The following PIK3R5 variants were observed in gnomAD, a reference collection of about 807,000 sequenced individuals.
The protein encoded by PIK3R5 is phosphoinositide-3-kinase regulatory subunit 5.
In PIK3R5, 32 loss-of-function variants were observed where a neutral mutation model predicts 94.9. That is an observed-to-expected ratio of 0.34 (90% CI 0.25 to 0.45). PIK3R5 has a LOEUF of 0.45. PIK3R5 is among the 20% of genes least tolerant of loss of function. The pLI is 1.00. For missense variants in PIK3R5, 853 were observed against 1,144.6 expected (o/e 0.75, Z 3.68); for synonymous variants, 443 against 479.4 (o/e 0.92, Z 0.99).
intron 5 of PIK3R5, among the ~76,000 whole-genome samples, chr17:8,902,118 G>A (rs759819810): frequency 3.1e-4 from 47 of 151,052 alleles, no homozygotes; most frequent in Non-Finnish European, 4.4e-4. Context: ...TTCTTTATGA[G>A]TAGTGAGGGT....
intron 1 of PIK3R5, among the ~76,000 whole-genome samples, chr17:8,929,166 T>A (rs1037709209): frequency 1.3e-5 from 2 of 151,942 alleles, no homozygotes; most frequent in Admixed American, 1.3e-4. Context: ...TAGGAAAAAA[T>A]GCAAAACCAA....
intron 4 of PIK3R5, 150 bp downstream of exon 4, chr17:8,905,519 G>A (rs1301149560): frequency 3.2e-5 from 16 of 493,718 alleles, no homozygotes; most frequent in Non-Finnish European, 3.6e-5. Flanking sequence ...CTGCTCTGAA[G>A]CCATCTAAGG....
chr17:8,952,089 T>C (rs1331969549), intron 1 of PIK3R5, among the ~76,000 whole-genome samples: 1 of 152,222 alleles, frequency 6.6e-6, no homozygotes, highest in African/African-American at 2.4e-5. Context: ...GAGAGCTACA[T>C]GTTGAAGAAG....
At chr17:8,963,416 T>C (rs1219344802) in intron 1 of PIK3R5, among the ~76,000 whole-genome samples, 1 of 152,178 alleles carries the variant, frequency 6.6e-6, no homozygotes, top group Non-Finnish European at 1.5e-5. Flanking sequence ...CACAGGGGTA[T>C]GGAGCAGCCT....
chr17:8,901,593 G>A (rs2090283524), intron 5 of PIK3R5, among the ~76,000 whole-genome samples: 1 of 152,194 alleles, frequency 6.6e-6, no homozygotes, highest in African/African-American at 2.4e-5. Context: ...CTTCTGTTCT[G>A]TGTGTGTTTA....
intron 5 of PIK3R5, among the ~76,000 whole-genome samples, chr17:8,894,313 C>T (rs1315624176): frequency 6.6e-6 from 1 of 152,212 alleles, no homozygotes; most frequent in African/African-American, 2.4e-5. Flanking sequence ...CCTGCCGCTG[C>T]CCCCTCTCCC....
intron 1 of PIK3R5, among the ~76,000 whole-genome samples, chr17:8,923,674 T>C (rs950203058): frequency 1.3e-5 from 2 of 152,190 alleles, no homozygotes; most frequent in African/African-American, 4.8e-5. Context: ...CCTTGGGCAC[T>C]TACACGGGAG....
In PIK3R5 at chr17:8,935,192, C is replaced by T. The variant is rs999443001; in HGVS notation, c.-13-23685G>A. Among the ~76,000 whole-genome samples the T allele has an allele frequency of 3.3e-5, 5 of 152,108 alleles. No homozygotes were observed. Among genetic ancestry groups the T allele is most frequent in the East Asian group, 1.9e-4 (1 of 5,198 alleles). On this transcript the variant is annotated intron_variant, in intron 1 of 18. Transcript: ENST00000447110. This position sits in a 1 kb window ranked among gnomAD's most constrained non-coding sequence, Gnocchi z 4.5. Reference sequence around the variant, plus strand: ...GCGTTATAACTGCCTATTTCTCTAGCGGGCTTTCAACTCTGACGTCAATGT... The same window carrying T: ...GCGTTATAACTGCCTATTTCTCTAGTGGGCTTTCAACTCTGACGTCAATGT...
chr17:8,887,747 C>G, intron 10 of PIK3R5, 64 bp from the exon 11 acceptor site: 1 of 1,474,006 alleles, frequency 6.8e-7, no homozygotes. Context: ...AATCCCAGCA[C>G]TTTGGGAGGC....
At chr17:8,952,151 T>C (rs61023864) in intron 1 of PIK3R5, among the ~76,000 whole-genome samples, 2,190 of 152,336 alleles carry the variant, frequency 0.014, 48 homozygotes, top group African/African-American at 0.05. Context: ...AAAGCTGTCA[T>C]GTGAAGTCTG....
chr17:8,894,448 G>T (rs1597382492), intron 5 of PIK3R5, among the ~76,000 whole-genome samples: 1 of 152,278 alleles, frequency 6.6e-6, no homozygotes, highest in Middle Eastern at 3.4e-3. Context: ...GGAGTCCGGG[G>T]ATCGGGAAGG....
At chr17:8,907,642 A>G (rs574581276) in intron 3 of PIK3R5, among the ~76,000 whole-genome samples, 124 of 150,824 alleles carry the variant, frequency 8.2e-4, no homozygotes, top group South Asian at 2.5e-3. Flanking sequence ...AAAAAAAAAA[A>G]AGAGAGAGAG....
chr17:8,948,464 A>G (rs2091317752), intron 1 of PIK3R5, among the ~76,000 whole-genome samples: 1 of 152,188 alleles, frequency 6.6e-6, no homozygotes, highest in Non-Finnish European at 1.5e-5. Context: ...GGAGCAACAG[A>G]AAAATATGAA....
rs982160974 is a variant in PIK3R5 at position 8,925,274 on chromosome 17, TGATA to T, written c.-13-13771_-13-13768del. Among the ~76,000 whole-genome samples, 32 of 148,418 alleles carry T rather than the reference TGATA, an allele frequency of 2.2e-4. No homozygotes were observed. Among genetic ancestry groups the T allele is most frequent in the East Asian group, 1.2e-3 (6 of 4,960 alleles). ...GATAGATAGATGGTTAGCTAGTAGATGATAGATAGTAGATGGATAGATAGATAGA... is the reference window on the plus strand; with the variant it reads ...GATAGATAGATGGTTAGCTAGTAGATGATAGTAGATGGATAGATAGATAGA... On this transcript the variant is annotated intron_variant, in intron 1 of 18. Coordinates refer to ENST00000447110, the MANE Select transcript of PIK3R5 (RefSeq NM_001142633.3). The surrounding 1 kb of genome is among the most constrained non-coding windows in gnomAD (Gnocchi z 5.1).
Position 8,887,676 on chromosome 17 carries a change from C to T in PIK3R5, c.1624G>A (p.Glu542Lys), listed in dbSNP as rs766522067. 6.3e-7 allele frequency: 1 copy of T among 1,596,180 alleles called. No individual in the cohort carries two copies. Among genetic ancestry groups the T allele is most frequent in the South Asian group, 1.1e-5 (1 of 88,396 alleles). Residue 542 changes from glutamate to lysine, a missense_variant, in exon 11 of 19, where the codon GAG becomes AAG. Around this residue, in one of 6 missense-constraint regions of PIK3R5, gnomAD observed 319 missense variants for 339.8 expected, o/e 0.94. Coordinates refer to ENST00000447110, the MANE Select transcript of PIK3R5 (RefSeq NM_001142633.3). ...ARAYSNLRRL[E>K]NNRPLLTRFF... ...CGTGTGAGGAGTGGGCGATTGTTCTCCAGCCGCCTGGCAAGAAGAAGATGG... is the reference window on the plus strand; with the variant it reads ...CGTGTGAGGAGTGGGCGATTGTTCTTCAGCCGCCTGGCAAGAAGAAGATGG...
At chr17:8,934,000 GT>G (rs1400575025) in intron 1 of PIK3R5, among the ~76,000 whole-genome samples, 9 of 152,272 alleles carry the variant, frequency 5.9e-5, no homozygotes, top group African/African-American at 1.9e-4. Flanking sequence ...ATACTTAAAG[GT>G]GAAAACTGAA....
At chr17:8,903,978 T>C (rs932282655) in intron 5 of PIK3R5, among the ~76,000 whole-genome samples, 7 of 152,378 alleles carry the variant, frequency 4.6e-5, no homozygotes, top group African/African-American at 1.7e-4. Flanking sequence ...AACATGCCTC[T>C]AGTATTTTAC....
rs145875559 is a variant in PIK3R5, at chr17:8,879,104, G to A, written c.*1535C>T. 9.2e-5 allele frequency: 14 copies of A among 152,310 alleles called. No homozygotes were observed. In the East Asian group the frequency reaches 2.7e-3, roughly 29 times the overall value. The allele number at this position is 152,310 out of a possible 1,614,324, so 9.4% of individuals were successfully genotyped here. The stretch of plus-strand genomic sequence containing the variant: ...AGACAGGGGAGAGACGGCCAGGCAA[G>A]GTAGAAGCTGGCTCTGTCCACGTCT... On this transcript the variant is annotated 3_prime_UTR_variant, in exon 19 of 19. Coordinates refer to ENST00000447110, the MANE Select transcript of PIK3R5 (RefSeq NM_001142633.3). The surrounding 1 kb of genome is among the most constrained non-coding windows in gnomAD (Gnocchi z 4.4).
At chr17:8,934,424 C>G (rs1038448825) in intron 1 of PIK3R5, among the ~76,000 whole-genome samples, 1 of 152,118 alleles carries the variant, frequency 6.6e-6, no homozygotes, top group Non-Finnish European at 1.5e-5. Flanking sequence ...TCAATGAATA[C>G]GTGGAGAGAT....
Sources: allele counts gnomAD v4.1 joint callset (sites outside exome capture counted in the v4.1 genomes callset), GRCh38; gene constraint gnomAD v4.1.1; regional missense constraint gnomAD v4.1.1; non-coding constraint Gnocchi (gnomAD v3.1); transcripts MANE v1.5; gene names NCBI Gene and HGNC (gene_info 2026-07-23, HGNC 2026-07-21).